ENAM: variants seen among roughly 807,000 people sequenced by gnomAD.
ENAM encodes amelogenesis imperfecta 2, hypocalcification (autosomal dominant).
ENAM carries 21 observed loss-of-function variants against 33.6 expected under a neutral mutation model. The observed-to-expected ratio is 0.63, with a 90% CI of 0.44 to 0.90. ENAM has a LOEUF of 0.90. ENAM is among the 40% of genes least tolerant of loss of function. ENAM has a pLI of 0.00. For missense variants in ENAM, 1,388 were observed against 1,366.9 expected (o/e 1.02, Z -0.24); for synonymous variants, 473 against 468.4 (o/e 1.01, Z -0.13).
chr4:70,638,944 T>C (rs1215878639), intron 8 of ENAM, among the ~76,000 whole-genome samples: 1 of 151,792 alleles, frequency 6.6e-6, no homozygotes, highest in African/African-American at 2.4e-5. Context: ...ATTACAGGTG[T>C]GTGCCATCAC....
intron 7 of ENAM, among the ~76,000 whole-genome samples, chr4:70,636,501 G>A (rs1027989249): frequency 6.6e-6 from 1 of 152,132 alleles, no homozygotes; most frequent in Non-Finnish European, 1.5e-5. Context: ...AGGCATGGTG[G>A]TGCATGCCTG....
At chr4:70,631,939 C>T in intron 4 of ENAM, 46 bp downstream of exon 4, 2 of 1,479,698 alleles carry the variant, frequency 1.4e-6, no homozygotes, top group Non-Finnish European at 1.9e-6. Context: ...GAGTCCTATC[C>T]TACACATTTA....
chr4:70,635,384 T>A (rs1177267201), intron 6 of ENAM, among the ~76,000 whole-genome samples: 1 of 151,862 alleles, frequency 6.6e-6, no homozygotes, highest in East Asian at 1.9e-4. Context: ...CTCAAAAAAA[T>A]AAAAAGAAAA....
In ENAM at chr4:70,643,229, T is replaced by C. The variant is rs1440424944; in HGVS notation, c.1803T>C (p.Pro601=). The C allele has an allele frequency of 6.8e-6, 11 of 1,613,616 alleles. No individual in the cohort carries two copies. The Admixed American group carries it at 1.5e-4, about 22-fold the overall frequency. Residue 601 remains proline, a synonymous_variant, in exon 9 of 9, where the codon CCT becomes CCC. Coordinates refer to ENST00000396073, the MANE Select transcript of ENAM (RefSeq NM_031889.3). Reference sequence around the variant, plus strand: ...GTTCTAGAGGAAGTGTTTTCTACCCTGAATATAACCCATATGATCCCAGGG... The same window carrying C: ...GTTCTAGAGGAAGTGTTTTCTACCCCGAATATAACCCATATGATCCCAGGG... ...SHGSRGSVFY[P]EYNPYDPREN...
intron 8 of ENAM, among the ~76,000 whole-genome samples, chr4:70,640,961 A>G (rs1738580707): frequency 6.6e-6 from 1 of 152,224 alleles, no homozygotes; most frequent in African/African-American, 2.4e-5. Flanking sequence ...GATTAAAGGA[A>G]AGTAAGACTG....
rs72859659 is a variant in ENAM, at chr4:70,639,749, C to T, written c.588+1906C>T. Among the ~76,000 whole-genome samples the T allele has an allele frequency of 8.6e-3, 1,306 of 152,112 alleles. 13 individuals are homozygous for T. The highest frequency in any genetic ancestry group is 0.029 in the African/African-American group (1,197 of 41,468). On this transcript the variant is annotated intron_variant, in intron 8 of 8. Coordinates refer to ENST00000396073, the MANE Select transcript of ENAM (RefSeq NM_031889.3). Reference sequence around the variant, plus strand: ...GAGAATAAAATAAATGTTAGGTGAACGTGGTGTCACGTGCCTGTGGTCCCA... The same window carrying T: ...GAGAATAAAATAAATGTTAGGTGAATGTGGTGTCACGTGCCTGTGGTCCCA...
rs778923094 is a variant in ENAM, at chr4:70,629,450, A to C, written c.-51A>C. 7.6e-7 allele frequency: 1 copy of C among 1,314,192 alleles called. No homozygotes were observed. The highest frequency in any genetic ancestry group is 1.2e-5 in the South Asian group (1 of 84,826). The allele number at this position is 1,314,192 out of a possible 1,614,324, so 81.4% of individuals were successfully genotyped here. A position where few individuals can be genotyped will look rare whatever the true frequency, so the allele number is the denominator to read the frequency against. ...CATTTCTATATTTTAGTTTCTTCTC[A>C]GGTTAAAGCTGTATTTTTCTTAAAG... On this transcript the variant is annotated 5_prime_UTR_variant, in exon 2 of 9. Coordinates refer to ENST00000396073, the MANE Select transcript of ENAM (RefSeq NM_031889.3).
In ENAM at chr4:70,645,388, C is replaced by A. The variant is rs951396240; in HGVS notation, c.*533C>A. 2 of 156,686 alleles carry A rather than the reference C, an allele frequency of 1.3e-5. No homozygotes were observed. Among genetic ancestry groups the A allele is most frequent in the African/African-American group, 4.9e-5 (2 of 41,044 alleles). 9.7% of individuals were successfully genotyped at this position (156,686 alleles called of 1,614,324 possible). A position where few individuals can be genotyped will look rare whatever the true frequency, so the allele number is the denominator to read the frequency against. On this transcript the variant is annotated 3_prime_UTR_variant, in exon 9 of 9. Coordinates refer to ENST00000396073, the MANE Select transcript of ENAM (RefSeq NM_031889.3). ...TACCTTTATCATTTCTTTTTCTTAG[C>A]TTTCTTCCTTCTTTTCTCTCTCCCT...
chr4:70,633,796 C>A (rs551322603), intron 5 of ENAM, among the ~76,000 whole-genome samples: 2 of 152,258 alleles, frequency 1.3e-5, no homozygotes, highest in African/African-American at 4.8e-5. Flanking sequence ...GAGGATCCAC[C>A]TGTAACCAAG....
chr4:70,632,414 A>T (rs556591189), intron 4 of ENAM, among the ~76,000 whole-genome samples: 80 of 152,066 alleles, frequency 5.3e-4, no homozygotes, highest in Non-Finnish European at 1.0e-3. Flanking sequence ...TTATTCTCAA[A>T]ATAAAATTCT....
intron 2 of ENAM, among the ~76,000 whole-genome samples, chr4:70,629,768 A>G (rs768223032): frequency 2.0e-5 from 3 of 152,202 alleles, no homozygotes; most frequent in Non-Finnish European, 4.4e-5. Context: ...ATAACTAATT[A>G]TAGACTTTAA....
In ENAM at chr4:70,635,903, T is replaced by A. The variant is rs1213350547; in HGVS notation, c.534+9T>A. ...CATGGCAAATTCCACAGGTGAGAAA[T>A]TTTTTTTTCTTTACACTGTAAGTGA... is the stretch of plus-strand genomic sequence containing the variant. On this transcript the variant is annotated intron_variant, in intron 7 of 8. Coordinates refer to ENST00000396073, the MANE Select transcript of ENAM (RefSeq NM_031889.3). 1.3e-6 allele frequency: 2 copies of A among 1,510,236 alleles called. No individual in the cohort carries two copies. Among genetic ancestry groups the A allele is most frequent in the African/African-American group, 1.4e-5 (1 of 72,586 alleles). 93.6% of individuals were successfully genotyped at this position (1,510,236 alleles called of 1,614,324 possible). A position where few individuals can be genotyped will look rare whatever the true frequency, so the allele number is the denominator to read the frequency against.
At chr4:70,637,994 A>C (rs1404532927) in intron 8 of ENAM, 151 bp downstream of exon 8, 8 of 661,992 alleles carry the variant, frequency 1.2e-5, no homozygotes, top group Admixed American at 2.5e-5. Flanking sequence ...AGTTAAACAA[A>C]TCAAGCCAGT....
In ENAM at chr4:70,643,759, G is replaced by C. The variant is rs764032797; in HGVS notation, c.2333G>C (p.Arg778Thr). Residue 778 changes from arginine (R) to threonine (T), a missense_variant, in exon 9 of 9, where the codon AGA becomes ACA. Coordinates refer to ENST00000396073, the MANE Select transcript of ENAM (RefSeq NM_031889.3). ...HRIQAQGQRE[R>T]RPYFNRNIWD... ...ATACAAGCCCAAGGGCAGAGAGAAA[G>C]AAGGCCGTATTTTAACAGAAATATC... is the stretch of plus-strand genomic sequence containing the variant. 1.2e-6 allele frequency: 2 copies of C among 1,614,044 alleles called. No homozygotes were observed. Among genetic ancestry groups the C allele is most frequent in the African/African-American group, 2.7e-5 (2 of 74,914 alleles).
At chr4:70,639,678 G>T (rs938901619) in intron 8 of ENAM, among the ~76,000 whole-genome samples, 1 of 152,210 alleles carries the variant, frequency 6.6e-6, no homozygotes, top group African/African-American at 2.4e-5. Context: ...TGAGACAGGA[G>T]GATCACTTAA....
chr4:70,636,200 A>T (rs1409335654), intron 7 of ENAM, among the ~76,000 whole-genome samples: 4 of 152,198 alleles, frequency 2.6e-5, no homozygotes, highest in African/African-American at 4.8e-5. Flanking sequence ...AGAAATTTTT[A>T]AAAAACACAC....
intron 8 of ENAM, among the ~76,000 whole-genome samples, chr4:70,641,299 G>A (rs1221724499): frequency 6.6e-6 from 1 of 152,022 alleles, no homozygotes; most frequent in East Asian, 1.9e-4. Context: ...TTTGGGAGTT[G>A]TTAGCAGTCT....
chr4:70,637,721 A>C, intron 7 of ENAM, 69 bp from the exon 8 acceptor site: 2 of 1,155,798 alleles, frequency 1.7e-6, no homozygotes, highest in Non-Finnish European at 1.3e-6. Context: ...AGACACCCTG[A>C]GTCTTACAAA....
chr4:70,642,507 T>C lies in ENAM; in HGVS notation c.1081T>C (p.Trp361Arg). The change falls in exon 9 of 9, where the codon TGG becomes CGG. Residue 361 changes from tryptophan to arginine, a missense_variant. Transcript: ENST00000396073. ...RNQQVQRGPR[W>R]NFFAWERKQV... The stretch of plus-strand genomic sequence containing the variant: ...TCAACAAGTTCAAAGGGGTCCTCGG[T>C]GGAACTTCTTTGCTTGGGAACGTAA... The C allele has an allele frequency of 6.2e-7, 1 of 1,614,132 alleles. No homozygotes were observed. The highest frequency in any genetic ancestry group is 8.5e-7 in the Non-Finnish European group (1 of 1,180,014).
Sources: gnomAD v4.1 joint callset for allele counts (sites outside exome capture counted in the v4.1 genomes callset) on GRCh38, gnomAD v4.1.1 for gene constraint, MANE v1.5 for transcripts, NCBI Gene and HGNC (gene_info 2026-07-23, HGNC 2026-07-21) for gene names.